SACS: variants seen among roughly 807,000 people sequenced by gnomAD.
SACS encodes sacsin.
SACS carries 197 observed loss-of-function variants against 348.0 expected under a neutral mutation model. The ratio of observed to expected loss-of-function variants is 0.57; its 90% confidence interval spans 0.50 to 0.64. The LOEUF (loss-of-function observed/expected upper bound fraction) is 0.64, where lower values mean the gene tolerates loss of function less well. SACS is among the 30% of genes least tolerant of loss of function. The probability of loss-of-function intolerance (pLI) is 0.00; values close to 1 mark genes in which losing one functional copy is unlikely to be tolerated. For missense variants in SACS, 4,999 were observed against 5,360.8 expected, an observed-to-expected ratio of 0.93 and a Z score of 2.11; for synonymous variants, 1,985 against 1,910.6, an observed-to-expected ratio of 1.04 and a Z score of -1.02.
chr13:23,332,967 T>C lies in SACS; in HGVS notation c.10909A>G (p.Met3637Val), dbSNP rs150309559. The change falls in exon 10 of 10, where the codon ATG becomes GTG. Residue 3637 changes from methionine (M) to valine (V), a missense_variant. Transcript: ENST00000382292. Reference sequence around the variant, plus strand: ...AGAAAATTTCCAGATAACAAATCCATTCGTTCTTGGAATATATGATGCAGA... The same window carrying C: ...AGAAAATTTCCAGATAACAAATCCACTCGTTCTTGGAATATATGATGCAGA... ...ILLHHIFQER[M>V]DLLSGNFLKE... 1.2e-4 allele frequency: 190 copies of C among 1,613,920 alleles called. No homozygotes were observed. The East Asian group carries it at 3.8e-3, about 32-fold the overall frequency.
chr13:23,338,287 C>T lies in SACS; in HGVS notation c.5589G>A (p.Val1863=), dbSNP rs1273029103. Residue 1863 remains valine (V), a synonymous_variant, in exon 10 of 10, where the codon GTG becomes GTA. Coordinates refer to ENST00000382292, the MANE Select transcript of SACS (RefSeq NM_014363.6). ...AAAACACCTCTCCAATGTGTGGTTT[C>T]ACTGTCCACTTCTGGTCCTGGATTT... ...LSEIQDQKWT[V]KPHIGEVFCY... The T allele has an allele frequency of 6.2e-7, 1 of 1,614,152 alleles. No homozygotes were observed. The highest frequency in any genetic ancestry group is 1.1e-5 in the South Asian group (1 of 91,080).
chr13:23,368,724 A>G (rs1467700909), intron 4 of SACS, among the ~76,000 whole-genome samples: 4 of 152,156 alleles, frequency 2.6e-5, no homozygotes, highest in Non-Finnish European at 5.9e-5. Flanking sequence ...TTTGAGACAG[A>G]GTCTCGCTCT....
chr13:23,343,381 T>C (rs1869393880), intron 9 of SACS, among the ~76,000 whole-genome samples: 1 of 152,116 alleles, frequency 6.6e-6, no homozygotes, highest in Admixed American at 6.5e-5. Flanking sequence ...TATGTACATA[T>C]GACTTCTAGA....
At chr13:23,407,756 C>T (rs1224128422) in intron 2 of SACS, among the ~76,000 whole-genome samples, 1 of 152,192 alleles carries the variant, frequency 6.6e-6, no homozygotes, top group Non-Finnish European at 1.5e-5. Context: ...GCATTGTCTT[C>T]GGGTCCTGCC....
chr13:23,405,347 T>C (rs1483285832), intron 2 of SACS, among the ~76,000 whole-genome samples: 1 of 152,330 alleles, frequency 6.6e-6, no homozygotes, highest in South Asian at 2.1e-4. Flanking sequence ...TTGGGAAAAC[T>C]GGCTAGCCAT....
At chr13:23,387,303 A>G (rs1247560106) in intron 2 of SACS, among the ~76,000 whole-genome samples, 1 of 151,966 alleles carries the variant, frequency 6.6e-6, no homozygotes, top group Non-Finnish European at 1.5e-5. Flanking sequence ...ACTAAAAAAC[A>G]CAAAAAAAAT....
Position 23,409,102 on chromosome 13 carries a change from G to A in SACS, c.20+2118C>T, listed in dbSNP as rs183100494. Among the ~76,000 whole-genome samples the A allele has an allele frequency of 1.2e-4, 13 of 107,114 alleles. No homozygotes were observed. In the East Asian group the frequency reaches 3.1e-3, roughly 26 times the overall value. 70.3% of individuals were successfully genotyped at this position (107,114 alleles called of 152,430 possible). A position where few individuals can be genotyped will look rare whatever the true frequency, so the allele number is the denominator to read the frequency against. On this transcript the variant is annotated intron_variant, in intron 2 of 9. Coordinates refer to ENST00000382292, the MANE Select transcript of SACS (RefSeq NM_014363.6). The stretch of plus-strand genomic sequence containing the variant: ...GAGTCTTCCTGTGTGGCCCAGGCTG[G>A]AGTGCAGTGGTGCGATTTCGGCTCA...
chr13:23,343,162 G>T (rs1411249148), intron 9 of SACS, among the ~76,000 whole-genome samples: 1 of 152,098 alleles, frequency 6.6e-6, no homozygotes, highest in African/African-American at 2.4e-5. Context: ...GGGTTGAAGG[G>T]GGCAGTTTTT....
At chr13:23,393,444 G>A (rs1872603696) in intron 2 of SACS, among the ~76,000 whole-genome samples, 1 of 152,040 alleles carries the variant, frequency 6.6e-6, no homozygotes, top group Non-Finnish European at 1.5e-5. Context: ...GTCCTCCCCT[G>A]TCCCTCATCA....
rs1239858274 is a variant in SACS, at chr13:23,422,889, A to C, written c.-502+10726T>G. ...ATTTCAGACATTGTTAGGCCTATAT[A>C]TGAACATATGAATATCCAGACCTAT... is the stretch of plus-strand genomic sequence containing the variant. On this transcript the variant is annotated intron_variant, in intron 1 of 9. Coordinates refer to ENST00000382292, the MANE Select transcript of SACS (RefSeq NM_014363.6). Among the ~76,000 whole-genome samples the C allele has an allele frequency of 2.0e-5, 3 of 152,174 alleles. No homozygotes were observed. The East Asian group carries it at 5.8e-4, about 29-fold the overall frequency.
At chr13:23,356,995 C>G (rs1870432567) in intron 7 of SACS, among the ~76,000 whole-genome samples, 1 of 152,190 alleles carries the variant, frequency 6.6e-6, no homozygotes, top group South Asian at 2.1e-4. Context: ...AGTCGCACCC[C>G]CATGAATGAA....
At position 23,336,113 on chromosome 13, in the gene SACS, A is replaced by C; in HGVS notation, c.7763T>G (p.Leu2588Arg). The C allele has an allele frequency of 6.2e-7, 1 of 1,611,204 alleles. No homozygotes were observed. Among genetic ancestry groups the C allele is most frequent in the Non-Finnish European group, 8.5e-7 (1 of 1,177,876 alleles). Residue 2588 changes from leucine (L) to arginine (R), a missense_variant, in exon 10 of 10, where the codon CTT becomes CGT. Physicochemically the swap from Leu to Arg is moderately radical, Grantham distance 102. Transcript: ENST00000382292. ...AAATGGCTGGTTGTTGTACACACAAAGTGCTGGCCCTTGCAATGGGGCCCA... is the reference window on the plus strand; with the variant it reads ...AAATGGCTGGTTGTTGTACACACAACGTGCTGGCCCTTGCAATGGGGCCCA... ...DKWAPLQGPA[L>R]CVYNNQPFTE...
chr13:23,420,421 C>T (rs1485236313), intron 1 of SACS, among the ~76,000 whole-genome samples: 2 of 152,070 alleles, frequency 1.3e-5, no homozygotes. Flanking sequence ...AATCTGGGCA[C>T]TAAAGTCTAC....
intron 1 of SACS, among the ~76,000 whole-genome samples, chr13:23,422,454 T>C (rs1264021231): frequency 6.6e-6 from 1 of 152,158 alleles, no homozygotes; most frequent in African/African-American, 2.4e-5. Flanking sequence ...CTAAAAACAA[T>C]CTGTGCATGA....
chr13:23,418,680 A>G (rs1355506384), intron 1 of SACS, among the ~76,000 whole-genome samples: 3 of 152,026 alleles, frequency 2.0e-5, no homozygotes, highest in East Asian at 1.9e-4. Context: ...TAATTTTTGT[A>G]TTTTTAGTAG....
At position 23,333,695 on chromosome 13, in the gene SACS, T is replaced by C. The variant is rs375898103; in HGVS notation, c.10181A>G (p.Asn3394Ser). The stretch of plus-strand genomic sequence containing the variant: ...ATCTTGGGACATCAAATGATTCAAA[T>C]TGCAGTTGAAATACATCAAAAGTGC... ...FEALLMYFNC[N>S]LNHLMSQDDI... is the part of the protein sequence containing the mutation. Residue 3394 changes from asparagine (N) to serine (S), a missense_variant, in exon 10 of 10, where the codon AAT becomes AGT. Physicochemically the swap from Asn to Ser is conservative, Grantham distance 46. This residue lies in a region of SACS where 734 missense variants were observed against 694.0 expected (regional missense o/e 1.06). Coordinates refer to ENST00000382292, the MANE Select transcript of SACS (RefSeq NM_014363.6). 6.2e-5 allele frequency: 100 copies of C among 1,613,796 alleles called. 1 individual carries two copies. The highest frequency in any genetic ancestry group is 6.1e-4 in the South Asian group (56 of 91,082).
chr13:23,332,341 T>C lies in SACS; in HGVS notation c.11535A>G (p.Glu3845=), dbSNP rs750167647. Residue 3845 remains glutamate, a synonymous_variant, in exon 10 of 10, where the codon GAA becomes GAG. Transcript: ENST00000382292. ...FHQLFKHLGT[E]DIISTKQYVE... ...CATATTGCTTAGTTGAAATAATATC[T>C]TCAGTACCTAAGTGTTTGAACAACT... The C allele has an allele frequency of 4.3e-6, 7 of 1,613,908 alleles. No individual in the cohort carries two copies. Among genetic ancestry groups the C allele is most frequent in the Non-Finnish European group, 5.1e-6 (6 of 1,179,942 alleles).
In SACS at chr13:23,340,762, T is replaced by A; in HGVS notation, c.3114A>T (p.Lys1038Asn). 1 of 1,606,316 alleles carries A rather than the reference T, an allele frequency of 6.2e-7. No individual in the cohort carries two copies. Among genetic ancestry groups the A allele is most frequent in the Non-Finnish European group, 8.5e-7 (1 of 1,177,022 alleles). The change falls in exon 10 of 10, where the codon AAA becomes AAT. Residue 1038 changes from lysine to asparagine, a missense_variant. Coordinates refer to ENST00000382292, the MANE Select transcript of SACS (RefSeq NM_014363.6). ...TCTGTTCCTGTGATATCTGGATGAA[T>A]TTTAATGGTGTTAACCACTCAAGCA... ...PNVLEWLTPLKFIQISQEQMV... is the reference protein window; with the variant it reads ...PNVLEWLTPLNFIQISQEQMV...
In SACS at chr13:23,355,868, T is replaced by C. The variant is rs1448438600; in HGVS notation, c.744A>G (p.Ala248=). 1.2e-6 allele frequency: 2 copies of C among 1,614,206 alleles called. No homozygotes were observed. The highest frequency in any genetic ancestry group is 1.7e-6 in the Non-Finnish European group (2 of 1,180,036). ...KEISELSDQF[A]PFVGIFGSTK... is the part of the protein sequence containing the mutation. ...TGCTTCCAAAAATGCCAACAAATGG[T>C]GCAAACTGGTCTGAAAGTTCACTAA... The change falls in exon 8 of 10, where the codon GCA becomes GCG. Residue 248 remains alanine, a synonymous_variant. Transcript: ENST00000382292.
Sources: allele counts gnomAD v4.1 joint callset (sites outside exome capture counted in the v4.1 genomes callset), GRCh38; gene constraint gnomAD v4.1.1; regional missense constraint gnomAD v4.1.1; transcripts MANE v1.5; gene names NCBI Gene and HGNC (gene_info 2026-07-23, HGNC 2026-07-21).